TF: variants seen among roughly 807,000 people sequenced by gnomAD.
TF encodes transferrin.
In TF, 55 loss-of-function variants were observed where a neutral mutation model predicts 82.4. The observed-to-expected ratio is 0.67, with a 90% CI of 0.54 to 0.84. TF has a LOEUF of 0.84. TF is among the 40% of genes least tolerant of loss of function. The pLI, the probability that TF is intolerant of heterozygous loss-of-function variation, is 0.00. For missense variants in TF, 737 were observed against 868.4 expected, an observed-to-expected ratio of 0.85 and a Z score of 1.90; for synonymous variants, 332 against 332.6, an observed-to-expected ratio of 1.00 and a Z score of 0.02.
rs906637994 is a variant in TF at position 133,789,085 on chromosome 3, T to A, written c.*10465T>A. Reference sequence around the variant, plus strand: ...TAAGGTCAGAGATGCCTGACACTCTTAAGACTGGACCCCAAAGGGGGATTC... The same window carrying A: ...TAAGGTCAGAGATGCCTGACACTCTAAAGACTGGACCCCAAAGGGGGATTC... On this transcript the variant is annotated 3_prime_UTR_variant, in exon 17 of 17. Transcript: ENST00000402696. The A allele has an allele frequency of 2.0e-5, 3 of 152,336 alleles. No individual in the cohort carries two copies. The highest frequency in any genetic ancestry group is 4.4e-5 in the Non-Finnish European group (3 of 68,122). The allele number at this position is 152,336 out of a possible 1,614,324, so 9.4% of individuals were successfully genotyped here. A position where few individuals can be genotyped will look rare whatever the true frequency, so the allele number is the denominator to read the frequency against.
At chr3:133,703,847 C>T in the TF span, among the ~76,000 whole-genome samples, 1,801 of 152,324 alleles carry the variant, frequency 0.012, 35 homozygotes, top group African/African-American at 0.041. Flanking sequence ...CAGATTTGAA[C>T]TCCATTATCT....
chr3:133,770,728 C>T (rs1294884344), intron 14 of TF, 156 bp downstream of exon 14: 1 of 903,170 alleles, frequency 1.1e-6, no homozygotes, highest in Non-Finnish European at 1.8e-6. Flanking sequence ...GAGACATGTT[C>T]ACCTGAGTGC....
chr3:133,666,971 G>A, the TF span, among the ~76,000 whole-genome samples: 5 of 152,082 alleles, frequency 3.3e-5, no homozygotes, highest in East Asian at 9.7e-4. Context: ...GGGAGGTGGA[G>A]CTTGCAGTGA....
At chr3:133,725,880 T>C in the TF span, among the ~76,000 whole-genome samples, 1 of 152,254 alleles carries the variant, frequency 6.6e-6, no homozygotes, top group South Asian at 2.1e-4. Flanking sequence ...TTGTTGAATT[T>C]TGTCAAATGC....
At chr3:133,715,911 T>A in the TF span, among the ~76,000 whole-genome samples, 1 of 152,338 alleles carries the variant, frequency 6.6e-6, no homozygotes, top group East Asian at 1.9e-4. Context: ...GTTGCAGGAT[T>A]TTTAAGGAAT....
In TF at chr3:133,795,347, G is replaced by A. The variant is rs1008191157; in HGVS notation, c.*16727G>A. 6 of 152,058 alleles carry A rather than the reference G, an allele frequency of 3.9e-5. No homozygotes were observed. The highest frequency in any genetic ancestry group is 3.3e-4 in the Admixed American group (5 of 15,264). 9.4% of individuals were successfully genotyped at this position (152,058 alleles called of 1,614,324 possible). ...CCCTGGTGTGCTGTATTCTCTCAACGGTTTTAAATGTTTGCATGCTGCCAC... is the reference window on the plus strand; with the variant it reads ...CCCTGGTGTGCTGTATTCTCTCAACAGTTTTAAATGTTTGCATGCTGCCAC... On this transcript the variant is annotated 3_prime_UTR_variant, in exon 17 of 17. Coordinates refer to ENST00000402696, the MANE Select transcript of TF (RefSeq NM_001063.4).
At chr3:133,732,877 A>G in the TF span, among the ~76,000 whole-genome samples, 1 of 152,196 alleles carries the variant, frequency 6.6e-6, no homozygotes, top group East Asian at 1.9e-4. Context: ...AGCTTGGGTG[A>G]CTTGCCTAAT....
In TF at chr3:133,794,734, G is replaced by T. The variant is rs1336092747; in HGVS notation, c.*16114G>T. 6.6e-6 allele frequency: 1 copy of T among 152,202 alleles called. No homozygotes were observed. The highest frequency in any genetic ancestry group is 1.5e-5 in the Non-Finnish European group (1 of 68,042). 9.4% of individuals were successfully genotyped at this position (152,202 alleles called of 1,614,324 possible). ...AACCCTTAAGGTAAAGCTAACCAGG[G>T]AAGTTTCTCTCCCGAAGAAGATGGC... On this transcript the variant is annotated 3_prime_UTR_variant, in exon 17 of 17. Coordinates refer to ENST00000402696, the MANE Select transcript of TF (RefSeq NM_001063.4).
chr3:133,779,952 T>A lies in TF; in HGVS notation c.*1332T>A, dbSNP rs1431152173. The A allele has an allele frequency of 1.3e-5, 2 of 152,220 alleles. No individual in the cohort carries two copies. The highest frequency in any genetic ancestry group is 4.8e-5 in the African/African-American group (2 of 41,444). 9.4% of individuals were successfully genotyped at this position (152,220 alleles called of 1,614,324 possible). The stretch of plus-strand genomic sequence containing the variant: ...GGGGTGAAATTTCAGTTCGCCATTT[T>A]CCCTCACACTACATCCAGCGTCACC... On this transcript the variant is annotated 3_prime_UTR_variant, in exon 17 of 17. Coordinates refer to ENST00000402696, the MANE Select transcript of TF (RefSeq NM_001063.4).
rs8177241 is a variant in TF at position 133,759,117 on chromosome 3, C to T, written c.1049-58C>T. ...GCATGAAGACAGTGAGTAGTGCTGA[C>T]AAACACCAGGCAACAGCTAGGGCCG... On this transcript the variant is annotated intron_variant, in intron 8 of 16. Transcript: ENST00000402696. 3.1e-3 allele frequency: 5,061 copies of T among 1,610,220 alleles called. 141 individuals are homozygous for T. The African/African-American group carries it at 0.059, about 19-fold the overall frequency.
Position 133,793,919 on chromosome 3 carries a change from C to T in TF, c.*15299C>T, listed in dbSNP as rs1934906152. The T allele has an allele frequency of 6.6e-6, 1 of 152,094 alleles. No individual in the cohort carries two copies. The highest frequency in any genetic ancestry group is 1.5e-5 in the Non-Finnish European group (1 of 67,998). 9.4% of individuals were successfully genotyped at this position (152,094 alleles called of 1,614,324 possible). A position where few individuals can be genotyped will look rare whatever the true frequency, so the allele number is the denominator to read the frequency against. On this transcript the variant is annotated 3_prime_UTR_variant, in exon 17 of 17. Coordinates refer to ENST00000402696, the MANE Select transcript of TF (RefSeq NM_001063.4). ...AAAGACTGACTGAGTTCTAAAACTG[C>T]TAACCCAAGTAGAACAAAAATTAAT...
Position 133,778,696 on chromosome 3 carries a change from G to A in TF, c.*76G>A. The A allele has an allele frequency of 1.3e-6, 2 of 1,543,050 alleles. No individual in the cohort carries two copies. Among genetic ancestry groups the A allele is most frequent in the South Asian group, 2.3e-5 (2 of 88,082 alleles). On this transcript the variant is annotated 3_prime_UTR_variant, in exon 17 of 17. Coordinates refer to ENST00000402696, the MANE Select transcript of TF (RefSeq NM_001063.4). ...CCATGAGTTTGCCCTGGTTTCACTG[G>A]CCCAAGTGGTTTGTGCTAACCACGT...
intron 14 of TF, 160 bp downstream of exon 14, chr3:133,770,732 T>C: frequency 1.1e-6 from 1 of 888,984 alleles, no homozygotes; most frequent in Non-Finnish European, 1.8e-6. Context: ...CATGTTCACC[T>C]GAGTGCGCAG....
the TF span, among the ~76,000 whole-genome samples, chr3:133,711,021 GCA>G: frequency 6.6e-6 from 1 of 152,186 alleles, no homozygotes; most frequent in Non-Finnish European, 1.5e-5. Flanking sequence ...TGACCTCTCA[GCA>G]GCATTTCCTC....
rs1009199003 is a variant in TF at position 133,780,854 on chromosome 3, A to C, written c.*2234A>C. 5 of 151,874 alleles carry C rather than the reference A, an allele frequency of 3.3e-5. No homozygotes were observed. Among genetic ancestry groups the C allele is most frequent in the Admixed American group, 6.6e-5 (1 of 15,242 alleles). 9.4% of individuals were successfully genotyped at this position (151,874 alleles called of 1,614,324 possible). A position where few individuals can be genotyped will look rare whatever the true frequency, so the allele number is the denominator to read the frequency against. Reference sequence around the variant, plus strand: ...ATGGCGAAACCCCATCTCTTCTAAAAATACAAAAATTAGCCTGGTTTGGTG... The same window carrying C: ...ATGGCGAAACCCCATCTCTTCTAAACATACAAAAATTAGCCTGGTTTGGTG... On this transcript the variant is annotated 3_prime_UTR_variant, in exon 17 of 17. Coordinates refer to ENST00000402696, the MANE Select transcript of TF (RefSeq NM_001063.4).
intron 13 of TF, among the ~76,000 whole-genome samples, chr3:133,769,176 G>A (rs1004425693): frequency 3.3e-5 from 5 of 152,152 alleles, no homozygotes; most frequent in African/African-American, 1.2e-4. Flanking sequence ...GCACAATGAT[G>A]ATGGTATTAT....
At chr3:133,741,116 T>C (rs2107901374), upstream of TF, among the ~76,000 whole-genome samples, 1 of 150,972 alleles carries the variant, frequency 6.6e-6, no homozygotes, top group South Asian at 2.1e-4. Context: ...CTCAGCCTCC[T>C]GAGTAGCTGA....
At chr3:133,717,497 C>G in the TF span, among the ~76,000 whole-genome samples, 2 of 152,180 alleles carry the variant, frequency 1.3e-5, no homozygotes, top group African/African-American at 4.8e-5. Context: ...CTCAGGCTAC[C>G]TGGAGGGAAA....
chr3:133,723,472 T>C, the TF span, among the ~76,000 whole-genome samples: 1 of 150,436 alleles, frequency 6.6e-6, no homozygotes, highest in Non-Finnish European at 1.5e-5. Flanking sequence ...TTCCTTTTTA[T>C]TCTTGTTTTT....
Sources: allele counts gnomAD v4.1 joint callset (sites outside exome capture counted in the v4.1 genomes callset), GRCh38; gene constraint gnomAD v4.1.1; transcripts MANE v1.5; gene names NCBI Gene and HGNC (gene_info 2026-07-23, HGNC 2026-07-21).